KCNQ3: variants seen among roughly 807,000 people sequenced by gnomAD.
KCNQ3 encodes the protein potassium voltage-gated channel subfamily Q member 3, also known as potassium voltage-gated channel subfamily KQT member 3.
Under a neutral mutation model 92.5 loss-of-function variants are expected in KCNQ3, and 30 were observed. The ratio of observed to expected loss-of-function variants is 0.32; its 90% CI spans 0.24 to 0.44. KCNQ3 has a LOEUF of 0.44. Among genes scored for constraint, KCNQ3 ranks in the 20% least tolerant of loss-of-function variants. The pLI is 1.00. For missense variants in KCNQ3, 913 were observed against 1,140.3 expected, an observed-to-expected ratio of 0.80 and a Z score of 2.87; for synonymous variants, 450 against 468.8, an observed-to-expected ratio of 0.96 and a Z score of 0.52.
At chr8:132,422,656 T>G (rs1309683557) in intron 1 of KCNQ3, among the ~76,000 whole-genome samples, 1 of 152,184 alleles carries the variant, frequency 6.6e-6, no homozygotes, top group Non-Finnish European at 1.5e-5. Flanking sequence ...CTGGCTCCCC[T>G]TCCGGCAGCT....
At chr8:132,466,155 G>T (rs553642805) in intron 1 of KCNQ3, among the ~76,000 whole-genome samples, 14 of 152,062 alleles carry the variant, frequency 9.2e-5, no homozygotes, top group African/African-American at 3.4e-4. Flanking sequence ...ACCAGGCATT[G>T]AATTTACATA....
At chr8:132,336,348 T>G (rs1214123764) in intron 1 of KCNQ3, among the ~76,000 whole-genome samples, 1 of 152,180 alleles carries the variant, frequency 6.6e-6, no homozygotes. Context: ...AGATCCACTT[T>G]CAAATGGTGG....
intron 1 of KCNQ3, among the ~76,000 whole-genome samples, chr8:132,356,580 C>T (rs1819024508): frequency 6.6e-6 from 1 of 152,140 alleles, no homozygotes; most frequent in South Asian, 2.1e-4. Context: ...TCAGGAAGCT[C>T]TTGAGATCAG....
intron 9 of KCNQ3, among the ~76,000 whole-genome samples, chr8:132,150,681 T>C (rs767309381): frequency 3.3e-5 from 5 of 152,168 alleles, no homozygotes; most frequent in Non-Finnish European, 7.3e-5. Flanking sequence ...CCACTTTTAA[T>C]GCACATATGA....
chr8:132,286,569 T>C (rs923440942), intron 1 of KCNQ3, among the ~76,000 whole-genome samples: 1 of 152,316 alleles, frequency 6.6e-6, no homozygotes, highest in East Asian at 1.9e-4. Flanking sequence ...GAGTCTCAGA[T>C]GAGACTTTGG....
At chr8:132,405,404 C>T (rs1319488882) in intron 1 of KCNQ3, among the ~76,000 whole-genome samples, 1 of 152,226 alleles carries the variant, frequency 6.6e-6, no homozygotes, top group East Asian at 1.9e-4. Context: ...CCACCAGTGG[C>T]AGTGAACAAT....
intron 1 of KCNQ3, among the ~76,000 whole-genome samples, chr8:132,470,479 T>A (rs1280949622): frequency 6.6e-6 from 1 of 152,238 alleles, no homozygotes. Context: ...ACACATGCAC[T>A]TATATTGTCT....
At chr8:132,344,683 C>G (rs1337430292) in intron 1 of KCNQ3, among the ~76,000 whole-genome samples, 3 of 152,074 alleles carry the variant, frequency 2.0e-5, no homozygotes, top group African/African-American at 7.2e-5. Flanking sequence ...GTTTATATTC[C>G]TGGGAGAGAT....
At chr8:132,274,402 C>G (rs1035614371) in intron 1 of KCNQ3, among the ~76,000 whole-genome samples, 1 of 152,158 alleles carries the variant, frequency 6.6e-6, no homozygotes, top group African/African-American at 2.4e-5. Context: ...CACTGGGTCC[C>G]TCACACGACA....
At chr8:132,417,383 C>G (rs1435939879) in intron 1 of KCNQ3, among the ~76,000 whole-genome samples, 1 of 152,084 alleles carries the variant, frequency 6.6e-6, no homozygotes, top group Non-Finnish European at 1.5e-5. Context: ...TGACTCTGAC[C>G]CACCCATCTC....
At chr8:132,250,689 G>A (rs1458937767) in intron 1 of KCNQ3, among the ~76,000 whole-genome samples, 1 of 152,084 alleles carries the variant, frequency 6.6e-6, no homozygotes, top group African/African-American at 2.4e-5. Context: ...TGGATTGGGT[G>A]GACCTCGGGT....
chr8:132,456,655 T>C (rs1297236248), intron 1 of KCNQ3, among the ~76,000 whole-genome samples: 1 of 152,050 alleles, frequency 6.6e-6, no homozygotes, highest in East Asian at 1.9e-4. Context: ...TCGCCCAGGC[T>C]GCAGTGCAGT....
chr8:132,248,850 T>C (rs975184159), intron 1 of KCNQ3, among the ~76,000 whole-genome samples: 1 of 152,144 alleles, frequency 6.6e-6, no homozygotes, highest in South Asian at 2.1e-4. Flanking sequence ...GAAAGAGGTA[T>C]TTGTCTTCAG....
chr8:132,153,030 T>C lies in KCNQ3; in HGVS notation c.1262+10438A>G, dbSNP rs566977180. 3.9e-5 allele frequency among the ~76,000 whole-genome samples: 6 copies of C among 151,908 alleles called. No individual in the cohort carries two copies. The East Asian group carries it at 1.2e-3, about 29-fold the overall frequency. ...AGGAATTATGTTTCAAAACCTGTTA[T>C]AAGTTTGTCATTAAATTCTCAACTC... On this transcript the variant is annotated intron_variant, in intron 9 of 14. Coordinates refer to ENST00000388996, the MANE Select transcript of KCNQ3 (RefSeq NM_004519.4).
At chr8:132,235,163 A>G (rs1814770594) in intron 1 of KCNQ3, among the ~76,000 whole-genome samples, 2 of 152,086 alleles carry the variant, frequency 1.3e-5, no homozygotes, top group Admixed American at 1.3e-4. Context: ...ATCTGGAAAA[A>G]CACATAGCCT....
At chr8:132,207,921 T>TAAAA (rs762571946) in intron 1 of KCNQ3, among the ~76,000 whole-genome samples, 4 of 103,862 alleles carry the variant, frequency 3.9e-5, no homozygotes, top group Non-Finnish European at 8.3e-5. Flanking sequence ...TGAGAGAGAT[T>TAAAA]AAAAAAAAAA....
At chr8:132,439,116 C>G (rs1324156183) in intron 1 of KCNQ3, among the ~76,000 whole-genome samples, 3 of 151,542 alleles carry the variant, frequency 2.0e-5, no homozygotes, top group Non-Finnish European at 4.4e-5. Context: ...TATGCCGAAC[C>G]AATTTTTTCA....
At chr8:132,196,500 G>A (rs997947585) in intron 1 of KCNQ3, among the ~76,000 whole-genome samples, 2 of 152,310 alleles carry the variant, frequency 1.3e-5, no homozygotes, top group East Asian at 3.9e-4. Context: ...GTGCCACTGT[G>A]TTCTCTTGTA....
chr8:132,265,764 G>A (rs1815960184), intron 1 of KCNQ3, among the ~76,000 whole-genome samples: 1 of 152,190 alleles, frequency 6.6e-6, no homozygotes, highest in Non-Finnish European at 1.5e-5. Flanking sequence ...GGCCTTATGT[G>A]TCAATCTGTC....
Sources: allele counts gnomAD v4.1 joint callset (sites outside exome capture counted in the v4.1 genomes callset), GRCh38; gene constraint gnomAD v4.1.1; transcripts MANE v1.5; gene names NCBI Gene and HGNC (gene_info 2026-07-23, HGNC 2026-07-21).